Variants in ZNF646 observed in about 807,000 individuals in gnomAD.
The protein encoded by ZNF646 is zinc finger protein 646.
A neutral mutation model predicts 115.4 loss-of-function variants in ZNF646; 49 were observed. The ratio of observed to expected loss-of-function variants is 0.42; its 90% CI spans 0.34 to 0.54. The LOEUF is 0.54. ZNF646 is among the 20% of genes least tolerant of loss of function. The pLI is 0.04. For missense variants in ZNF646, 2,269 were observed against 2,457.9 expected (o/e 0.92, Z 1.62); for synonymous variants, 933 against 939.0 (o/e 0.99, Z 0.12).
rs200467074 is a variant in ZNF646 at position 31,076,643 on chromosome 16, C to A, written c.319C>A (p.Pro107Thr). ...HAPEGRRRHR[P>T]PRPKEATPHL... Reference sequence around the variant, plus strand: ...TCCTGAGGGCCGCCGCAGGCACAGGCCCCCACGCCCCAAGGAAGCCACTCC... The same window carrying A: ...TCCTGAGGGCCGCCGCAGGCACAGGACCCCACGCCCCAAGGAAGCCACTCC... Residue 107 changes from proline to threonine, a missense_variant, in exon 2 of 3, where the codon CCC (proline) becomes ACC (threonine). Coordinates refer to ENST00000300850, the MANE Select transcript of ZNF646 (RefSeq NM_014699.4). The A allele has an allele frequency of 2.2e-5, 35 of 1,612,802 alleles. No homozygotes were observed. Among genetic ancestry groups the A allele is most frequent in the Admixed American group, 1.0e-4 (6 of 59,980 alleles).
chr16:31,083,405 T>G lies in ZNF646; in HGVS notation c.*313T>G. 1 of 1,253,128 alleles carries G rather than the reference T, an allele frequency of 8.0e-7. No individual in the cohort carries two copies. The highest frequency in any genetic ancestry group is 1.0e-6 in the Non-Finnish European group (1 of 967,066). The allele number at this position is 1,253,128 out of a possible 1,614,324, so 77.6% of individuals were successfully genotyped here. ...GGAAAGTTGCCTGTGGAAGGGAGCC[T>G]TTTGCTACAATTTGTAACTTATTTT... On this transcript the variant is annotated 3_prime_UTR_variant, in exon 3 of 3. Coordinates refer to ENST00000300850, the MANE Select transcript of ZNF646 (RefSeq NM_014699.4).
chr16:31,076,342 C>A lies in ZNF646; in HGVS notation c.18C>A (p.Pro6=), dbSNP rs1436855509. 1.9e-6 allele frequency: 3 copies of A among 1,611,560 alleles called. No individual in the cohort carries two copies. Among genetic ancestry groups the A allele is most frequent in the South Asian group, 2.2e-5 (2 of 90,958 alleles). ...GTTGCCCCATGGAGGACACACCCCC[C>A]TCACTCAGCTGCTCCGACTGTCAGC... MEDTP[P]SLSCSDCQRH... Residue 6 remains proline (P), a synonymous_variant, in exon 2 of 3, where the codon CCC becomes CCA. Coordinates refer to ENST00000300850, the MANE Select transcript of ZNF646 (RefSeq NM_014699.4).
At position 31,078,782 on chromosome 16, in the gene ZNF646, G is replaced by A. The variant is rs761498833; in HGVS notation, c.2458G>A (p.Ala820Thr). ...NAVTGWQAGA[A>T]HTCSDCGHSF... is the part of the protein sequence containing the mutation. ...TGTCACTGGCTGGCAGGCTGGGGCCGCTCACACATGCTCTGACTGTGGGCA... is the reference window on the plus strand; with the variant it reads ...TGTCACTGGCTGGCAGGCTGGGGCCACTCACACATGCTCTGACTGTGGGCA... Residue 820 changes from alanine to threonine, a missense_variant, in exon 2 of 3, where the codon GCT becomes ACT. Ala to Thr is a moderately conservative substitution (Grantham distance 58). This residue lies in a region of ZNF646 where 852 missense variants were observed against 900.2 expected (regional missense o/e 0.95). Transcript: ENST00000300850. 1.5e-5 allele frequency: 25 copies of A among 1,613,598 alleles called. No homozygotes were observed. Among genetic ancestry groups the A allele is most frequent in the Admixed American group, 5.0e-5 (3 of 60,000 alleles).
At chr16:31,075,448 C>G (rs1057390837) in intron 1 of ZNF646, among the ~76,000 whole-genome samples, 1 of 152,144 alleles carries the variant, frequency 6.6e-6, no homozygotes, top group African/African-American at 2.4e-5. Context: ...CAGGTGCCCA[C>G]CACCACGCCC....
At chr16:31,082,045 C>T (rs962493589) in intron 2 of ZNF646, 1 of 428,652 alleles carries the variant, frequency 2.3e-6, no homozygotes, top group East Asian at 3.6e-5. Flanking sequence ...TGTCTGGAAA[C>T]CCTCCTGAGT....
Position 31,077,604 on chromosome 16 carries a change from G to C in ZNF646, c.1280G>C (p.Arg427Thr). 1 of 1,613,666 alleles carries C rather than the reference G, an allele frequency of 6.2e-7. No individual in the cohort carries two copies. Among genetic ancestry groups the C allele is most frequent in the Non-Finnish European group, 8.5e-7 (1 of 1,179,882 alleles). Residue 427 changes from arginine to threonine, a missense_variant, in exon 2 of 3, where the codon AGG (arginine) becomes ACG (threonine). Arg to Thr is a moderately conservative substitution (Grantham distance 71). Around this residue, in one of 5 missense-constraint regions of ZNF646, gnomAD observed 852 missense variants for 900.2 expected, o/e 0.95. Transcript: ENST00000300850. ...CATGTGCGGGCTCATCACAGGCCCA[G>C]GCAAGGAGTTGGGGAAAATGGGCAG... is the stretch of plus-strand genomic sequence containing the variant. ...KNHVRAHHRP[R>T]QGVGENGQPS...
In ZNF646 at chr16:31,076,226, C is replaced by T. The variant is rs2057073401; in HGVS notation, c.-79-20C>T. ...AAGTTAATTCAGGCCTTCCTTTTGA[C>T]CACTGCCCCCTCTTCCTAGGCCTTG... On this transcript the variant is annotated intron_variant, in intron 1 of 2. Coordinates refer to ENST00000300850, the MANE Select transcript of ZNF646 (RefSeq NM_014699.4). 2 of 1,466,920 alleles carry T rather than the reference C, an allele frequency of 1.4e-6. No individual in the cohort carries two copies. The highest frequency in any genetic ancestry group is 1.8e-6 in the Non-Finnish European group (2 of 1,102,362). 90.9% of individuals were successfully genotyped at this position (1,466,920 alleles called of 1,614,324 possible).
At position 31,079,837 on chromosome 16, in the gene ZNF646, G is replaced by A. The variant is rs1352372044; in HGVS notation, c.3513G>A (p.Val1171=). ...LEEVARVKEE[V]WEETTVKGEE... is the part of the protein sequence containing the mutation. Reference sequence around the variant, plus strand: ...AAGTGGCCAGGGTGAAAGAAGAGGTGTGGGAGGAGACCACTGTGAAGGGGG... The same window carrying A: ...AAGTGGCCAGGGTGAAAGAAGAGGTATGGGAGGAGACCACTGTGAAGGGGG... Residue 1171 remains valine, a synonymous_variant, in exon 2 of 3, where the codon GTG becomes GTA. Transcript: ENST00000300850. This position sits in a 1 kb window ranked among gnomAD's most constrained non-coding sequence, Gnocchi z 5.5. 1.2e-6 allele frequency: 2 copies of A among 1,613,842 alleles called. No homozygotes were observed.
upstream of ZNF646, chr16:31,073,259 C>G (rs1377596712): frequency 6.6e-6 from 1 of 152,374 alleles, no homozygotes; most frequent in Admixed American, 6.5e-5. Context: ...CAAAGGCTTG[C>G]AAGATGGCGT....
In ZNF646 at chr16:31,077,731, G is replaced by C. The variant is rs1442846839; in HGVS notation, c.1407G>C (p.Glu469Asp). The C allele has an allele frequency of 6.2e-7, 1 of 1,614,092 alleles. No homozygotes were observed. Among genetic ancestry groups the C allele is most frequent in the Non-Finnish European group, 8.5e-7 (1 of 1,180,028 alleles). The change falls in exon 2 of 3, where the codon GAG becomes GAC. Residue 469 changes from glutamate to aspartate, a missense_variant. Around this residue, in one of 5 missense-constraint regions of ZNF646, gnomAD observed 852 missense variants for 900.2 expected, o/e 0.95. Coordinates refer to ENST00000300850, the MANE Select transcript of ZNF646 (RefSeq NM_014699.4). Reference protein sequence around the residue: ...TLDHRPYKCSECGRAYRHRGS... With the variant: ...TLDHRPYKCSDCGRAYRHRGS... ...ACCATCGGCCCTATAAGTGCAGTGA[G>C]TGTGGTCGTGCTTACCGCCACCGGG...
chr16:31,079,459 G>A lies in ZNF646; in HGVS notation c.3135G>A (p.Leu1045=), dbSNP rs770530101. Residue 1045 remains leucine, a synonymous_variant, in exon 2 of 3, where the codon TTG becomes TTA. Coordinates refer to ENST00000300850, the MANE Select transcript of ZNF646 (RefSeq NM_014699.4). This position sits in a 1 kb window ranked among gnomAD's most constrained non-coding sequence, Gnocchi z 5.5. Reference sequence around the variant, plus strand: ...GCATCCAGGGTGGGGAAAGTTTGTTGGAGGCTCAGCCCCGCCCCTTCCGCT... The same window carrying A: ...GCATCCAGGGTGGGGAAAGTTTGTTAGAGGCTCAGCCCCGCCCCTTCCGCT... ...SLCIQGGESL[L]EAQPRPFRCN... 2.6e-5 allele frequency: 42 copies of A among 1,613,548 alleles called. No homozygotes were observed. Among genetic ancestry groups the A allele is most frequent in the Admixed American group, 2.2e-4 (13 of 59,978 alleles).
intron 2 of ZNF646, 187 bp downstream of exon 2, chr16:31,081,888 AG>A (rs1037797577): frequency 8.0e-5 from 82 of 1,029,804 alleles, no homozygotes; most frequent in Non-Finnish European, 9.8e-5. Context: ...CCCGCAAGTC[AG>A]GTATAACAAA....
intron 1 of ZNF646, chr16:31,076,032 T>G (rs1007725138): frequency 2.4e-5 from 9 of 376,700 alleles, no homozygotes; most frequent in African/African-American, 1.9e-4. Context: ...CCTGTAGGGA[T>G]GACTTAAGCC....
At position 31,081,376 on chromosome 16, in the gene ZNF646, C is replaced by T. The variant is rs1298887122; in HGVS notation, c.5052C>T (p.Arg1684=). ...ERPFRCTQCG[R]SYRHAGSLLN... is the part of the protein sequence containing the mutation. ...CCTTCCGCTGCACCCAGTGCGGGCG[C>T]TCCTACCGCCATGCTGGCAGCCTGC... The change falls in exon 2 of 3, where the codon CGC becomes CGT. Residue 1684 remains arginine (R), a synonymous_variant. Coordinates refer to ENST00000300850, the MANE Select transcript of ZNF646 (RefSeq NM_014699.4). 2 of 1,612,510 alleles carry T rather than the reference C, an allele frequency of 1.2e-6. No homozygotes were observed. The highest frequency in any genetic ancestry group is 2.2e-5 in the East Asian group (1 of 44,820).
chr16:31,072,884 A>C (rs2057026654), upstream of ZNF646: 1 of 152,302 alleles, frequency 6.6e-6, no homozygotes. Context: ...AAGCCCCTTT[A>C]CATCCTTCAA....
rs927658205 is a variant in ZNF646, at chr16:31,078,756, C to T, written c.2432C>T (p.Ala811Val). 16 of 1,613,770 alleles carry T rather than the reference C, an allele frequency of 9.9e-6. No homozygotes were observed. The highest frequency in any genetic ancestry group is 2.2e-5 in the East Asian group (1 of 44,888). Residue 811 changes from alanine (A) to valine (V), a missense_variant, in exon 2 of 3, where the codon GCT becomes GTT. Physicochemically the swap from Ala to Val is moderately conservative, Grantham distance 64. This residue lies in a region of ZNF646 where 852 missense variants were observed against 900.2 expected (regional missense o/e 0.95). Transcript: ENST00000300850. ...AACTCCTCTTCCCACTCTGCCAATG[C>T]TGTCACTGGCTGGCAGGCTGGGGCC... ...QPNSSSHSANAVTGWQAGAAH... is the reference protein window; with the variant it reads ...QPNSSSHSANVVTGWQAGAAH...
chr16:31,080,496 G>A lies in ZNF646; in HGVS notation c.4172G>A (p.Arg1391Lys). The A allele has an allele frequency of 6.2e-7, 1 of 1,613,800 alleles. No homozygotes were observed. The highest frequency in any genetic ancestry group is 1.7e-5 in the Admixed American group (1 of 60,032). Residue 1391 changes from arginine (R) to lysine (K), a missense_variant, in exon 2 of 3, where the codon AGG becomes AAG. Coordinates refer to ENST00000300850, the MANE Select transcript of ZNF646 (RefSeq NM_014699.4). The stretch of plus-strand genomic sequence containing the variant: ...CTGCGGGAGCATGAGGAGACAGAAA[G>A]GGAGCCAGCCAATGGCCAGGGAGGC... ...RHLREHEETE[R>K]EPANGQGGLD...
chr16:31,078,454 C>T lies in ZNF646; in HGVS notation c.2130C>T (p.Asp710=), dbSNP rs2057107964. 1.3e-6 allele frequency: 2 copies of T among 1,592,954 alleles called. No individual in the cohort carries two copies. Among genetic ancestry groups the T allele is most frequent in the African/African-American group, 1.3e-5 (1 of 74,382 alleles). ...EDNEGLESPQ[D]PSGESPHGAE... ...ATGAAGGCCTGGAGTCTCCCCAAGA[C>T]CCTTCAGGGGAAAGTCCTCATGGGG... The change falls in exon 2 of 3, where the codon GAC becomes GAT. Residue 710 remains aspartate (D), a synonymous_variant. Transcript: ENST00000300850.
chr16:31,083,484 C>A lies in ZNF646; in HGVS notation c.*392C>A, dbSNP rs971109945. On this transcript the variant is annotated 3_prime_UTR_variant, in exon 3 of 3. Transcript: ENST00000300850. Reference sequence around the variant, plus strand: ...AAGTTTAAAAAAAGGAAAACTGCTGCCCCCCAAAAAAAGAAATTTTCAAAA... The same window carrying A: ...AAGTTTAAAAAAAGGAAAACTGCTGACCCCCAAAAAAAGAAATTTTCAAAA... 64 of 1,326,578 alleles carry A rather than the reference C, an allele frequency of 4.8e-5. No individual in the cohort carries two copies. Among genetic ancestry groups the A allele is most frequent in the Non-Finnish European group, 5.9e-5 (61 of 1,033,134 alleles). 82.2% of individuals were successfully genotyped at this position (1,326,578 alleles called of 1,614,324 possible).
Sources: gnomAD v4.1 joint callset for allele counts (sites outside exome capture counted in the v4.1 genomes callset) on GRCh38, gnomAD v4.1.1 for gene constraint, gnomAD v4.1.1 regional missense constraint, Gnocchi (gnomAD v3.1) non-coding constraint, MANE v1.5 for transcripts, NCBI Gene and HGNC (gene_info 2026-07-23, HGNC 2026-07-21) for gene names.